Variants in OPRM1 observed in about 807,000 individuals in gnomAD.
The protein encoded by OPRM1 is opioid receptor mu 1, also known as mu-type opioid receptor.
A neutral mutation model predicts 31.8 loss-of-function variants in OPRM1; 27 were observed. The ratio of observed to expected loss-of-function variants is 0.85; its 90% CI spans 0.63 to 1.17. The LOEUF (loss-of-function observed/expected upper bound fraction) is 1.17, where lower values mean the gene tolerates loss of function less well. OPRM1 is among the 50% of genes most tolerant of loss of function. The probability of loss-of-function intolerance (pLI) is 0.00; values close to 1 mark genes in which losing one functional copy is unlikely to be tolerated. For missense variants in OPRM1, 536 were observed against 511.1 expected (o/e 1.05, Z -0.47); for synonymous variants, 196 against 189.9 (o/e 1.03, Z -0.26).
chr6:154,193,371 G>A (rs1216392069), intron 3 of OPRM1, among the ~76,000 whole-genome samples: 1 of 152,164 alleles, frequency 6.6e-6, no homozygotes, highest in Non-Finnish European at 1.5e-5. Flanking sequence ...GAAAGGATAA[G>A]AGTGAGGTGA....
chr6:154,077,679 C>T lies in OPRM1; in HGVS notation c.291-12147C>T, dbSNP rs552457476. ...CTGCGAGGCGGAGGTTGCAGTGACC[C>T]GAGCTAGCACCACTGCACTCCAGCC... On this transcript the variant is annotated intron_variant, in intron 1 of 3. Coordinates refer to ENST00000330432, the MANE Select transcript of OPRM1 (RefSeq NM_000914.5). Among the ~76,000 whole-genome samples the T allele has an allele frequency of 1.6e-4, 25 of 151,792 alleles. 1 individual carries two copies. The highest frequency in any genetic ancestry group is 1.2e-3 in the Admixed American group (19 of 15,252).
At chr6:154,241,530 G>C (rs767686996) in intron 3 of OPRM1, among the ~76,000 whole-genome samples, 5 of 151,956 alleles carry the variant, frequency 3.3e-5, no homozygotes, top group Non-Finnish European at 5.9e-5. Flanking sequence ...GTCTCCCCAG[G>C]CTCTAAAACT....
intron 3 of OPRM1, among the ~76,000 whole-genome samples, chr6:154,178,559 G>A (rs1303284861): frequency 6.6e-6 from 1 of 152,048 alleles, no homozygotes. Context: ...CTGTGTATAT[G>A]TAAATACAAC....
intron 3 of OPRM1, among the ~76,000 whole-genome samples, chr6:154,144,152 G>A (rs1402778181): frequency 6.6e-6 from 1 of 152,128 alleles, no homozygotes; most frequent in Non-Finnish European, 1.5e-5. Flanking sequence ...TACCCTGTAA[G>A]TATTAAGGAA....
intron 3 of OPRM1, among the ~76,000 whole-genome samples, chr6:154,245,678 CT>C (rs1179171109): frequency 6.6e-6 from 1 of 152,162 alleles, no homozygotes; most frequent in African/African-American, 2.4e-5. Flanking sequence ...CTCCTAAGTA[CT>C]TTTCCCTTAA....
intron 3 of OPRM1, among the ~76,000 whole-genome samples, chr6:154,205,544 G>A (rs376600953): frequency 2.0e-5 from 3 of 152,112 alleles, no homozygotes; most frequent in Non-Finnish European, 4.4e-5. Flanking sequence ...GCAGTGAGCC[G>A]AAATCACACC....
At chr6:154,017,888 A>G (rs1288100286) in intron 1 of OPRM1, among the ~76,000 whole-genome samples, 1 of 150,818 alleles carries the variant, frequency 6.6e-6, no homozygotes, top group African/African-American at 2.5e-5. Flanking sequence ...CTTTTCATCT[A>G]CCCACTCAAA....
chr6:154,139,029 C>T (rs1021550879), intron 3 of OPRM1, among the ~76,000 whole-genome samples: 5 of 152,346 alleles, frequency 3.3e-5, no homozygotes, highest in Admixed American at 2.6e-4. Flanking sequence ...AATCAGCACT[C>T]CCTGACTCAC....
intron 3 of OPRM1, among the ~76,000 whole-genome samples, chr6:154,151,568 A>G (rs73790452): frequency 0.042 from 6,404 of 151,792 alleles, 429 homozygotes; most frequent in African/African-American, 0.15. Flanking sequence ...TGCTGCAAAA[A>G]CTCATAGCCA....
chr6:154,044,469 A>G (rs1780702083), intron 1 of OPRM1, among the ~76,000 whole-genome samples: 1 of 152,162 alleles, frequency 6.6e-6, no homozygotes, highest in Admixed American at 6.5e-5. Context: ...CATAAAAGAA[A>G]ACAAACAAAC....
chr6:154,192,019 A>T (rs958203200), intron 3 of OPRM1, among the ~76,000 whole-genome samples: 3 of 152,196 alleles, frequency 2.0e-5, no homozygotes, highest in Admixed American at 6.5e-5. Flanking sequence ...TGTATAGTAA[A>T]ACAATGGAGT....
intron 3 of OPRM1, among the ~76,000 whole-genome samples, chr6:154,099,974 A>G (rs914267307): frequency 1.4e-5 from 2 of 141,198 alleles, no homozygotes; most frequent in African/African-American, 2.6e-5. Context: ...ATATTACGAT[A>G]TATATCATAA....
At chr6:154,094,322 A>T in intron 3 of OPRM1, 1 of 777,346 alleles carries the variant, frequency 1.3e-6, no homozygotes, top group Non-Finnish European at 1.9e-6. Context: ...TATCAAGGTA[A>T]TTTGATAAGC....
chr6:154,012,261 C>G (rs1438551320), intron 1 of OPRM1, among the ~76,000 whole-genome samples: 1 of 152,150 alleles, frequency 6.6e-6, no homozygotes, highest in Non-Finnish European at 1.5e-5. Context: ...GTTTTCTAAT[C>G]ACTGTTATAA....
At chr6:154,226,661 A>G (rs1045386492) in intron 3 of OPRM1, among the ~76,000 whole-genome samples, 1 of 152,126 alleles carries the variant, frequency 6.6e-6, no homozygotes, top group Admixed American at 6.5e-5. Flanking sequence ...CTGCTGTTTC[A>G]TCAAATTTAG....
At position 154,094,119 on chromosome 6, in the gene OPRM1, T is replaced by C. The variant is rs1792922797; in HGVS notation, c.1164+2647T>C. On this transcript the variant is annotated intron_variant, in intron 3 of 3. Coordinates refer to ENST00000330432, the MANE Select transcript of OPRM1 (RefSeq NM_000914.5). ...TTTATATTGGTTGTGGATGTTTATG[T>C]TCTGCCTTATGTATTTGTACTTTCT... The C allele has an allele frequency of 1.2e-5, 8 of 688,386 alleles. No homozygotes were observed. In the Middle Eastern group the frequency reaches 1.5e-3, roughly 126 times the overall value. The allele number at this position is 688,386 out of a possible 1,614,324, so 42.6% of individuals were successfully genotyped here. A position where few individuals can be genotyped will look rare whatever the true frequency, so the allele number is the denominator to read the frequency against.
upstream of OPRM1, among the ~76,000 whole-genome samples, chr6:154,034,416 C>T (rs1248981813): frequency 6.6e-6 from 1 of 152,066 alleles, no homozygotes; most frequent in Non-Finnish European, 1.5e-5. Flanking sequence ...AGTTTGGTGG[C>T]GGGCGCCTGT....
At chr6:154,076,865 T>A (rs1787981556) in intron 1 of OPRM1, among the ~76,000 whole-genome samples, 1 of 152,246 alleles carries the variant, frequency 6.6e-6, no homozygotes, top group African/African-American at 2.4e-5. Context: ...TTATTTTATT[T>A]ATTCATCCAA....
At chr6:154,147,752 T>C (rs1219246991) in intron 3 of OPRM1, among the ~76,000 whole-genome samples, 1 of 152,210 alleles carries the variant, frequency 6.6e-6, no homozygotes, top group African/African-American at 2.4e-5. Context: ...ATAGGTTTAC[T>C]GGAATTCTTA....
Sources: gnomAD v4.1 joint callset for allele counts (sites outside exome capture counted in the v4.1 genomes callset) on GRCh38, gnomAD v4.1.1 for gene constraint, MANE v1.5 for transcripts, NCBI Gene and HGNC (gene_info 2026-07-23, HGNC 2026-07-21) for gene names.